The following ST3GAL3 variants were observed in gnomAD, a reference collection of about 807,000 sequenced individuals.
ST3GAL3 encodes the protein ST3 beta-galactoside alpha-2,3-sialyltransferase 3.
Under a neutral mutation model 50.1 loss-of-function variants are expected in ST3GAL3, and 21 were observed. That is an observed-to-expected ratio of 0.42 (90% confidence interval 0.30 to 0.60). ST3GAL3 has a LOEUF of 0.60. Among genes scored for constraint, ST3GAL3 ranks in the 20% least tolerant of loss-of-function variants. ST3GAL3 has a pLI of 0.19. For missense variants in ST3GAL3, 353 were observed against 489.4 expected (o/e 0.72, Z 2.63); for synonymous variants, 183 against 190.0 (o/e 0.96, Z 0.30).
intron 5 of ST3GAL3, among the ~76,000 whole-genome samples, chr1:43,859,215 C>G (rs893211991): frequency 6.6e-6 from 1 of 152,266 alleles, no homozygotes; most frequent in East Asian, 1.9e-4. Context: ...TGACAGCTGG[C>G]CCTGTGACAT....
At chr1:43,812,795 A>C (rs2060712395) in intron 3 of ST3GAL3, among the ~76,000 whole-genome samples, 1 of 152,190 alleles carries the variant, frequency 6.6e-6, no homozygotes, top group Non-Finnish European at 1.5e-5. Flanking sequence ...AGAGAAAACA[A>C]TAGATAGACC....
chr1:43,851,106 C>T, intron 5 of ST3GAL3: 1 of 976,226 alleles, frequency 1.0e-6, no homozygotes, highest in South Asian at 1.3e-5. Context: ...TGCAGCGGGG[C>T]ATAGTCCAGG....
chr1:43,798,541 T>C (rs1231358214), intron 3 of ST3GAL3, among the ~76,000 whole-genome samples: 1 of 152,218 alleles, frequency 6.6e-6, no homozygotes, highest in African/African-American at 2.4e-5. Flanking sequence ...TTGTGCTTGC[T>C]GTTCCCACTT....
chr1:43,723,815 T>G (rs1306748275), intron 1 of ST3GAL3, among the ~76,000 whole-genome samples: 1 of 152,060 alleles, frequency 6.6e-6, no homozygotes, highest in Non-Finnish European at 1.5e-5. Context: ...TTTCACCATA[T>G]TGGCCAGGCT....
chr1:43,870,035 G>T (rs1270173662), intron 5 of ST3GAL3, among the ~76,000 whole-genome samples: 1 of 152,162 alleles, frequency 6.6e-6, no homozygotes, highest in Non-Finnish European at 1.5e-5. Flanking sequence ...AAGGACTCAT[G>T]CCCTAAAGAA....
chr1:43,912,290 A>G (rs1183784601), intron 9 of ST3GAL3: 1 of 152,218 alleles, frequency 6.6e-6, no homozygotes, highest in African/African-American at 2.4e-5. Flanking sequence ...CAAAAACACT[A>G]TAAAGGAGAG....
intron 5 of ST3GAL3, among the ~76,000 whole-genome samples, chr1:43,843,796 G>A (rs961539601): frequency 6.6e-6 from 1 of 152,158 alleles, no homozygotes; most frequent in Non-Finnish European, 1.5e-5. Flanking sequence ...CACACATCAA[G>A]CAATTCTTCA....
intron 9 of ST3GAL3, chr1:43,914,524 G>A (rs1222423192): frequency 1.3e-5 from 2 of 152,216 alleles, no homozygotes; most frequent in Non-Finnish European, 2.9e-5. Context: ...GAATCCACTT[G>A]CAGCCACTTG....
At chr1:43,857,835 C>G (rs923065323) in intron 5 of ST3GAL3, among the ~76,000 whole-genome samples, 1 of 152,018 alleles carries the variant, frequency 6.6e-6, no homozygotes, top group Admixed American at 6.6e-5. Flanking sequence ...AGGCTGGTCT[C>G]GAACTCCTGA....
intron 2 of ST3GAL3, among the ~76,000 whole-genome samples, chr1:43,746,851 C>T (rs770521364): frequency 6.6e-6 from 1 of 151,830 alleles, no homozygotes; most frequent in East Asian, 2.0e-4. Context: ...CAACCTCTGC[C>T]TGCTGGGTTC....
intron 5 of ST3GAL3, among the ~76,000 whole-genome samples, chr1:43,873,178 G>A (rs914157066): frequency 6.6e-6 from 1 of 152,182 alleles, no homozygotes; most frequent in Admixed American, 6.5e-5. Flanking sequence ...AGGCTATTGT[G>A]ACCTACAGGA....
chr1:43,758,164 C>CG (rs925065967), intron 2 of ST3GAL3, among the ~76,000 whole-genome samples: 20 of 126,636 alleles, frequency 1.6e-4, no homozygotes, highest in African/African-American at 5.4e-4. Context: ...TGCATACCAC[C>CG]CCCCCCCCCA....
chr1:43,812,870 T>C (rs2060722110), intron 3 of ST3GAL3, among the ~76,000 whole-genome samples: 1 of 138,456 alleles, frequency 7.2e-6, no homozygotes, highest in African/African-American at 2.5e-5. Flanking sequence ...TAATATGCAG[T>C]GTGTGCGTGT....
rs375402064 is a variant in ST3GAL3 at position 43,736,131 on chromosome 1, GTTATTCTTCAT to G, written c.-30-99_-30-89del. ...CATGATATGAAAGTGATAACTCTAAGTTATTCTTCATTTGGAAATTCTCTCTATAGATACTT... is the reference window on the plus strand; with the variant it reads ...CATGATATGAAAGTGATAACTCTAAGTTGGAAATTCTCTCTATAGATACTT... On this transcript the variant is annotated intron_variant, in intron 1 of 11. Transcript: ENST00000347631. 2,485 of 1,166,256 alleles carry G rather than the reference GTTATTCTTCAT, an allele frequency of 2.1e-3. 39 individuals carry two copies. In the African/African-American group the frequency reaches 0.034, roughly 16 times the overall value. The allele number at this position is 1,166,256 out of a possible 1,614,324, so 72.2% of individuals were successfully genotyped here.
chr1:43,882,939 T>TTTTATTTA lies in ST3GAL3; in HGVS notation c.303-11411_303-11404dup, dbSNP rs899079997. ...TAGCACTTAGGTCAAGTGCCCATTC[T>TTTTATTTA]TTTATTTATTTATTTATTTATTTAT... is the stretch of plus-strand genomic sequence containing the variant. On this transcript the variant is annotated intron_variant, in intron 5 of 11. Transcript: ENST00000347631. Among the ~76,000 whole-genome samples, 487 of 114,722 alleles carry TTTTATTTA rather than the reference T, an allele frequency of 4.2e-3. 5 individuals are homozygous for TTTTATTTA. Among genetic ancestry groups the TTTTATTTA allele is most frequent in the African/African-American group, 0.012 (428 of 34,344 alleles). The allele number at this position is 114,722 out of a possible 152,430, so 75.3% of individuals were successfully genotyped here.
intron 2 of ST3GAL3, among the ~76,000 whole-genome samples, chr1:43,752,586 C>A (rs1176117863): frequency 1.1e-4 from 17 of 152,014 alleles, no homozygotes; most frequent in Admixed American, 1.1e-3. Context: ...CTGCAACCTC[C>A]ACCTCCTGGG....
intron 4 of ST3GAL3, among the ~76,000 whole-genome samples, chr1:43,819,546 T>C (rs995034378): frequency 3.3e-5 from 5 of 152,224 alleles, no homozygotes; most frequent in Admixed American, 2.6e-4. Flanking sequence ...TCACCCTTAA[T>C]TGAGAATGCA....
intron 1 of ST3GAL3, among the ~76,000 whole-genome samples, chr1:43,725,627 A>T (rs1331488330): frequency 2.6e-5 from 4 of 151,942 alleles, no homozygotes; most frequent in African/African-American, 9.7e-5. Context: ...TGAGTGCCTG[A>T]TACTCTTATT....
chr1:43,906,066 T>C (rs1331564765), intron 9 of ST3GAL3, among the ~76,000 whole-genome samples: 6 of 67,470 alleles, frequency 8.9e-5, no homozygotes, highest in Non-Finnish European at 1.1e-4. Flanking sequence ...CTCCTCTTCC[T>C]GCCACTTTTC....
Sources: allele counts gnomAD v4.1 joint callset (sites outside exome capture counted in the v4.1 genomes callset), GRCh38; gene constraint gnomAD v4.1.1; transcripts MANE v1.5; gene names NCBI Gene and HGNC (gene_info 2026-07-23, HGNC 2026-07-21).